The following FRAS1 variants were observed in gnomAD, a reference collection of about 807,000 sequenced individuals.
The protein encoded by FRAS1 is Fraser extracellular matrix complex subunit 1.
Under a neutral mutation model 435.2 loss-of-function variants are expected in FRAS1, and 290 were observed. The ratio of observed to expected loss-of-function variants is 0.67; its 90% CI spans 0.61 to 0.73. The LOEUF (loss-of-function observed/expected upper bound fraction) is 0.73. Among genes scored for constraint, FRAS1 ranks in the 30% least tolerant of loss-of-function variants. The probability of loss-of-function intolerance (pLI) is 0.00; values close to 1 mark genes in which losing one functional copy is unlikely to be tolerated. For missense variants in FRAS1, 4,860 were observed against 5,001.5 expected (o/e 0.97, Z 0.85); for synonymous variants, 1,800 against 1,851.0 (o/e 0.97, Z 0.71).
chr4:78,284,270 T>TTA, intron 12 of FRAS1, 135 bp from the exon 13 acceptor site: 1 of 568,870 alleles, frequency 1.8e-6, no homozygotes, highest in Non-Finnish European at 2.9e-6. Flanking sequence ...AGGAGGCTTT[T>TTA]TCCTAAGTCC....
chr4:78,482,953 C>T (rs1720058005), intron 58 of FRAS1, among the ~76,000 whole-genome samples: 2 of 152,188 alleles, frequency 1.3e-5, no homozygotes, highest in South Asian at 4.1e-4. Flanking sequence ...TAAGCAGAGT[C>T]TTCAGGTGTG....
intron 32 of FRAS1, among the ~76,000 whole-genome samples, chr4:78,417,290 A>C (rs1189228085): frequency 6.6e-6 from 1 of 151,990 alleles, no homozygotes; most frequent in Admixed American, 6.6e-5. Context: ...TCTTTTTATC[A>C]CTTTATTATT....
intron 20 of FRAS1, among the ~76,000 whole-genome samples, chr4:78,338,251 A>G (rs1201557764): frequency 6.6e-6 from 1 of 151,622 alleles, no homozygotes; most frequent in Non-Finnish European, 1.5e-5. Flanking sequence ...AAAGTAGATC[A>G]GTTGCCTTAG....
At chr4:78,479,097 G>A (rs998447742) in intron 55 of FRAS1, among the ~76,000 whole-genome samples, 1 of 152,298 alleles carries the variant, frequency 6.6e-6, no homozygotes, top group Middle Eastern at 3.4e-3. Flanking sequence ...GTCTTAGATG[G>A]TGGGCAATGA....
At chr4:78,506,962 G>A (rs1339678481) in intron 61 of FRAS1, among the ~76,000 whole-genome samples, 1 of 152,186 alleles carries the variant, frequency 6.6e-6, no homozygotes, top group Non-Finnish European at 1.5e-5. Flanking sequence ...CCATCTTTGT[G>A]GAGGCTGGCT....
At chr4:78,400,642 T>C in intron 29 of FRAS1, 92 bp from the exon 30 acceptor site, 1 of 1,296,396 alleles carries the variant, frequency 7.7e-7, no homozygotes, top group East Asian at 2.5e-5. Flanking sequence ...AGACGATCTT[T>C]AACAACAACA....
intron 14 of FRAS1, among the ~76,000 whole-genome samples, chr4:78,289,517 T>G (rs1314029636): frequency 6.6e-6 from 1 of 152,138 alleles, no homozygotes; most frequent in Non-Finnish European, 1.5e-5. Flanking sequence ...TAGGTTGCCT[T>G]TTTTCACAGC....
chr4:78,414,302 A>T (rs1357482238), intron 32 of FRAS1, among the ~76,000 whole-genome samples: 2 of 152,154 alleles, frequency 1.3e-5, no homozygotes, highest in Non-Finnish European at 2.9e-5. Flanking sequence ...TGTTATTTTG[A>T]GTTTGGAGGA....
intron 35 of FRAS1, among the ~76,000 whole-genome samples, 187 bp from the exon 36 acceptor site, chr4:78,428,908 T>C (rs1374841689): frequency 6.6e-6 from 1 of 152,178 alleles, no homozygotes; most frequent in East Asian, 1.9e-4. Flanking sequence ...TCACAGTATC[T>C]TGCTTGCTTA....
intron 40 of FRAS1, among the ~76,000 whole-genome samples, chr4:78,439,460 G>A (rs1734566853): frequency 6.6e-6 from 1 of 152,100 alleles, no homozygotes; most frequent in Non-Finnish European, 1.5e-5. Flanking sequence ...AAACAATATT[G>A]ACGGTTCCTT....
chr4:78,328,816 G>T (rs1027141714), intron 18 of FRAS1, among the ~76,000 whole-genome samples: 4 of 152,128 alleles, frequency 2.6e-5, no homozygotes, highest in African/African-American at 7.2e-5. Context: ...TGCTCCTCTG[G>T]CTGAAGGGAA....
chr4:78,404,441 C>A (rs1269674755), intron 30 of FRAS1, among the ~76,000 whole-genome samples: 1 of 151,922 alleles, frequency 6.6e-6, no homozygotes, highest in Non-Finnish European at 1.5e-5. Context: ...TTAGCTCTCA[C>A]CCGTCTGCAG....
At chr4:78,378,404 T>C (rs1029122119) in intron 26 of FRAS1, among the ~76,000 whole-genome samples, 5 of 152,186 alleles carry the variant, frequency 3.3e-5, no homozygotes, top group Admixed American at 6.5e-5. Context: ...ACAAGTTTTG[T>C]GTGGACAAAT....
At chr4:78,190,593 T>C (rs1458082711) in intron 2 of FRAS1, among the ~76,000 whole-genome samples, 4 of 150,452 alleles carry the variant, frequency 2.7e-5, no homozygotes, top group Admixed American at 2.7e-4. Context: ...CCTCCTTCCA[T>C]CCCCCATCCC....
intron 2 of FRAS1, among the ~76,000 whole-genome samples, chr4:78,178,852 T>A (rs1169176352): frequency 6.6e-6 from 1 of 152,170 alleles, no homozygotes; most frequent in Non-Finnish European, 1.5e-5. Context: ...ATTTTGGGCT[T>A]CAAATAGGAT....
intron 65 of FRAS1, among the ~76,000 whole-genome samples, chr4:78,514,285 G>A (rs967224293): frequency 2.0e-5 from 3 of 152,256 alleles, no homozygotes; most frequent in Non-Finnish European, 4.4e-5. Flanking sequence ...AGCTGAAGGA[G>A]CTGACAGCTG....
chr4:78,066,153 C>T (rs1042872882), intron 2 of FRAS1, 137 bp downstream of exon 2: 21 of 695,230 alleles, frequency 3.0e-5, no homozygotes, highest in Middle Eastern at 2.6e-4. Flanking sequence ...AGCCCTCATT[C>T]GGGCACAATG....
intron 14 of FRAS1, among the ~76,000 whole-genome samples, chr4:78,299,104 G>A (rs905199435): frequency 3.3e-5 from 5 of 152,178 alleles, no homozygotes; most frequent in Non-Finnish European, 7.4e-5. Flanking sequence ...TGGGCTGGGC[G>A]AATCCTGTGT....
intron 2 of FRAS1, among the ~76,000 whole-genome samples, chr4:78,121,314 G>C (rs532251141): frequency 6.6e-6 from 1 of 152,246 alleles, no homozygotes; most frequent in East Asian, 1.9e-4. Flanking sequence ...CCTGACTGAT[G>C]GTAGATATTT....
Sources: allele counts gnomAD v4.1 joint callset (sites outside exome capture counted in the v4.1 genomes callset), GRCh38; gene constraint gnomAD v4.1.1; transcripts MANE v1.5; gene names NCBI Gene and HGNC (gene_info 2026-07-23, HGNC 2026-07-21).